SUPT3H: variants seen among roughly 807,000 people sequenced by gnomAD.
SUPT3H encodes SPT3 homolog, SAGA and STAGA complex component.
In SUPT3H, 44 loss-of-function variants were observed where a neutral mutation model predicts 44.3. The ratio of observed to expected loss-of-function variants is 0.99; its 90% confidence interval spans 0.78 to 1.28. The LOEUF (loss-of-function observed/expected upper bound fraction) is 1.28, where lower values mean the gene tolerates loss of function less well. Ranked by LOEUF, SUPT3H falls within the 50% of genes most tolerant of loss-of-function variation. SUPT3H has a pLI of 0.00. For missense variants in SUPT3H, 380 were observed against 387.1 expected, an observed-to-expected ratio of 0.98 and a Z score of 0.15; for synonymous variants, 124 against 125.6, an observed-to-expected ratio of 0.99 and a Z score of 0.09.
intron 2 of SUPT3H, among the ~76,000 whole-genome samples, chr6:45,112,004 G>C (rs1233530511): frequency 6.6e-6 from 1 of 152,180 alleles, no homozygotes; most frequent in Non-Finnish European, 1.5e-5. Context: ...AGAGGATCTG[G>C]TTCTAGTTCC....
intron 3 of SUPT3H, among the ~76,000 whole-genome samples, chr6:45,080,879 C>T (rs1457007119): frequency 6.6e-6 from 1 of 151,868 alleles, no homozygotes; most frequent in Admixed American, 6.6e-5. Flanking sequence ...AGAGTGACTA[C>T]AATCAATAAT....
intron 3 of SUPT3H, chr6:45,097,941 T>TTGGGGC (rs1197471602): frequency 6.6e-6 from 1 of 152,432 alleles, no homozygotes; most frequent in Non-Finnish European, 1.5e-5. Context: ...ATCATGAAAT[T>TTGGGGC]TGGGGCTGGG....
intron 3 of SUPT3H, among the ~76,000 whole-genome samples, chr6:45,077,961 T>C (rs1296741114): frequency 1.3e-5 from 2 of 149,502 alleles, no homozygotes; most frequent in African/African-American, 4.9e-5. Context: ...ATCAGATGGA[T>C]AGAAGGACTG....
chr6:44,968,749 T>C (rs1019208076), intron 6 of SUPT3H, among the ~76,000 whole-genome samples: 4 of 152,264 alleles, frequency 2.6e-5, no homozygotes, highest in African/African-American at 9.6e-5. Flanking sequence ...TTCACTGTAG[T>C]AGGCTGTCCT....
chr6:44,986,828 T>C (rs1357332924), intron 6 of SUPT3H, among the ~76,000 whole-genome samples: 1 of 151,392 alleles, frequency 6.6e-6, no homozygotes, highest in Admixed American at 6.6e-5. Context: ...TCTCCTCAAG[T>C]AGAGGAAGAC....
intron 2 of SUPT3H, among the ~76,000 whole-genome samples, chr6:45,246,208 C>A (rs1465233510): frequency 6.6e-6 from 1 of 151,858 alleles, no homozygotes; most frequent in African/African-American, 2.4e-5. Flanking sequence ...AAATATTTTC[C>A]CATTCTGTGG....
rs908830579 is a variant in SUPT3H at position 44,924,239 on chromosome 6, G to A, written c.912+8414C>T. Among the ~76,000 whole-genome samples, 9 of 152,068 alleles carry A rather than the reference G, an allele frequency of 5.9e-5. No homozygotes were observed. In the East Asian group the frequency reaches 1.7e-3, roughly 29 times the overall value. On this transcript the variant is annotated intron_variant, in intron 10 of 10. Coordinates refer to ENST00000371459, the MANE Select transcript of SUPT3H (RefSeq NM_003599.4). Reference sequence around the variant, plus strand: ...TTCTTTTGCACCAAGACTTTTGCAGGCCTGTATAGCACATTATTAAAAACG... The same window carrying A: ...TTCTTTTGCACCAAGACTTTTGCAGACCTGTATAGCACATTATTAAAAACG...
At chr6:45,276,249 G>T (rs1373632437) in intron 2 of SUPT3H, among the ~76,000 whole-genome samples, 2 of 151,900 alleles carry the variant, frequency 1.3e-5, no homozygotes, top group African/African-American at 2.4e-5. Context: ...GAATAATATA[G>T]CACAACTAAA....
intron 2 of SUPT3H, among the ~76,000 whole-genome samples, chr6:45,302,532 TATATATATATATATATA>T (rs2149933667): frequency 3.9e-5 from 2 of 51,668 alleles, no homozygotes; most frequent in East Asian, 5.5e-3. Flanking sequence ...TATATATATA[TATATATATATATATATA>T]TATATATGCA....
At chr6:45,224,149 C>T (rs1269338004) in intron 2 of SUPT3H, among the ~76,000 whole-genome samples, 1 of 151,118 alleles carries the variant, frequency 6.6e-6, no homozygotes, top group Non-Finnish European at 1.5e-5. Context: ...TATATATATA[C>T]ATATAAATGT....
intron 2 of SUPT3H, among the ~76,000 whole-genome samples, chr6:45,271,877 C>T (rs1019349995): frequency 2.0e-5 from 3 of 152,158 alleles, no homozygotes; most frequent in Non-Finnish European, 2.9e-5. Flanking sequence ...TGGGAACCCA[C>T]CTCTTGCATC....
intron 2 of SUPT3H, among the ~76,000 whole-genome samples, chr6:45,286,226 A>G (rs547264704): frequency 6.6e-6 from 1 of 152,098 alleles, no homozygotes; most frequent in Non-Finnish European, 1.5e-5. Context: ...CAATGGCAAC[A>G]GAAGCCAAAA....
chr6:45,286,657 G>A (rs1269208395), intron 2 of SUPT3H, among the ~76,000 whole-genome samples: 1 of 152,160 alleles, frequency 6.6e-6, no homozygotes, highest in Non-Finnish European at 1.5e-5. Context: ...CTGTAAACTA[G>A]TTCAACCATT....
intron 10 of SUPT3H, among the ~76,000 whole-genome samples, chr6:44,886,723 C>G (rs1289503661): frequency 6.6e-6 from 1 of 152,002 alleles, no homozygotes; most frequent in Non-Finnish European, 1.5e-5. Flanking sequence ...CGAGCAAAAT[C>G]ACCAGCTAAC....
At chr6:45,065,789 A>C (rs1205130274) in intron 3 of SUPT3H, among the ~76,000 whole-genome samples, 1 of 151,826 alleles carries the variant, frequency 6.6e-6, no homozygotes, top group Non-Finnish European at 1.5e-5. Context: ...ATAGACCAAT[A>C]ACAGGAGCTG....
At chr6:45,056,153 AT>A (rs1791082839) in intron 3 of SUPT3H, among the ~76,000 whole-genome samples, 1 of 152,100 alleles carries the variant, frequency 6.6e-6, no homozygotes, top group Admixed American at 6.5e-5. Context: ...TCCTTCTAGA[AT>A]GGCCATAATC....
At chr6:45,261,105 C>G (rs1238435093) in intron 2 of SUPT3H, among the ~76,000 whole-genome samples, 3 of 152,044 alleles carry the variant, frequency 2.0e-5, no homozygotes, top group Admixed American at 2.0e-4. Context: ...TGCCCTGGAA[C>G]AGGCAAATTC....
At chr6:45,331,160 T>C (rs140273320) in intron 2 of SUPT3H, among the ~76,000 whole-genome samples, 3,038 of 152,012 alleles carry the variant, frequency 0.02, 109 homozygotes, top group African/African-American at 0.068. Context: ...AGAAAGAGTA[T>C]GTCTGTGTCC....
At chr6:45,158,012 A>T (rs573157677) in intron 2 of SUPT3H, among the ~76,000 whole-genome samples, 54 of 148,328 alleles carry the variant, frequency 3.6e-4, no homozygotes, top group African/African-American at 1.2e-3. Flanking sequence ...AACATGACCC[A>T]TCCATGCTCT....
Sources: gnomAD v4.1 joint callset for allele counts (sites outside exome capture counted in the v4.1 genomes callset) on GRCh38, gnomAD v4.1.1 for gene constraint, MANE v1.5 for transcripts, NCBI Gene and HGNC (gene_info 2026-07-23, HGNC 2026-07-21) for gene names.